The following DCP2 variants were observed in gnomAD, a reference collection of about 807,000 sequenced individuals.
DCP2 encodes the protein decapping mRNA 2.
In DCP2, 30 loss-of-function variants were observed where a neutral mutation model predicts 56.1. That is an observed-to-expected ratio of 0.53 (90% confidence interval 0.40 to 0.73). The LOEUF is 0.73. Among genes scored for constraint, DCP2 ranks in the 30% least tolerant of loss-of-function variants. The pLI, the probability that DCP2 is intolerant of heterozygous loss-of-function variation, is 0.00. For missense variants in DCP2, 533 were observed against 502.7 expected (o/e 1.06, Z -0.58); for synonymous variants, 197 against 163.3 (o/e 1.21, Z -1.57).
At chr5:112,982,097 T>C (rs193079036) in intron 1 of DCP2, among the ~76,000 whole-genome samples, 2 of 152,292 alleles carry the variant, frequency 1.3e-5, no homozygotes, top group East Asian at 1.9e-4. Flanking sequence ...ATCCATTTTT[T>C]TGAGGGGAGG....
chr5:112,994,718 T>C (rs1429094588), intron 4 of DCP2, among the ~76,000 whole-genome samples: 2 of 152,196 alleles, frequency 1.3e-5, no homozygotes, highest in African/African-American at 4.8e-5. Flanking sequence ...GGAAAGCAGA[T>C]TGGCCTAGGA....
At position 113,018,049 on chromosome 5, in the gene DCP2, TCAGAACACA is replaced by T. The variant is rs986567306; in HGVS notation, c.*4569_*4577del. 1 of 152,206 alleles carries T rather than the reference TCAGAACACA, an allele frequency of 6.6e-6. No homozygotes were observed. The allele number at this position is 152,206 out of a possible 1,614,324, so 9.4% of individuals were successfully genotyped here. A position where few individuals can be genotyped will look rare whatever the true frequency, so the allele number is the denominator to read the frequency against. On this transcript the variant is annotated 3_prime_UTR_variant, in exon 11 of 11. Transcript: ENST00000389063. ...CACTGCTTTCTTACAGGAAGACAAC[TCAGAACACA>T]CAGCCATAATCTGCTTTGGTGTCAG...
At chr5:113,011,975 A>G (rs1273255506) in intron 10 of DCP2, among the ~76,000 whole-genome samples, 1 of 152,190 alleles carries the variant, frequency 6.6e-6, no homozygotes, top group Non-Finnish European at 1.5e-5. Context: ...ATTTCTCCTC[A>G]TTAGAGTTAG....
intron 2 of DCP2, among the ~76,000 whole-genome samples, chr5:112,991,624 C>CTA (rs1748592070): frequency 1.3e-5 from 2 of 152,260 alleles, no homozygotes; most frequent in South Asian, 4.1e-4. Flanking sequence ...GAATTAAGCA[C>CTA]TTTATTCTTT....
At chr5:112,997,234 G>A (rs1365129022) in intron 4 of DCP2, among the ~76,000 whole-genome samples, 2 of 152,158 alleles carry the variant, frequency 1.3e-5, no homozygotes, top group African/African-American at 2.4e-5. Context: ...AGTCCATACC[G>A]TGGCCTCCTA....
Position 113,015,321 on chromosome 5 carries a change from A to C in DCP2, c.*1837A>C, listed in dbSNP as rs1481354097. 2.0e-5 allele frequency: 3 copies of C among 151,698 alleles called. No homozygotes were observed. The East Asian group carries it at 5.8e-4, about 29-fold the overall frequency. 9.4% of individuals were successfully genotyped at this position (151,698 alleles called of 1,614,324 possible). Reference sequence around the variant, plus strand: ...TTTCACTCATTTATTGTCTTCTGGAAACCATTTAACTTTTACTGTTTTTTA... The same window carrying C: ...TTTCACTCATTTATTGTCTTCTGGACACCATTTAACTTTTACTGTTTTTTA... On this transcript the variant is annotated 3_prime_UTR_variant, in exon 11 of 11. Coordinates refer to ENST00000389063, the MANE Select transcript of DCP2 (RefSeq NM_152624.6).
At chr5:112,997,506 G>C (rs1216513188) in intron 4 of DCP2, among the ~76,000 whole-genome samples, 1 of 152,078 alleles carries the variant, frequency 6.6e-6, no homozygotes, top group Non-Finnish European at 1.5e-5. Flanking sequence ...CTATTGGTCA[G>C]TTTATTCTGC....
chr5:112,997,573 C>T (rs1748919418), intron 4 of DCP2, among the ~76,000 whole-genome samples: 1 of 151,840 alleles, frequency 6.6e-6, no homozygotes, highest in South Asian at 2.1e-4. Context: ...TGTCTTTGTA[C>T]ACTGCTGCTC....
At chr5:112,983,073 G>A (rs1748085440) in intron 1 of DCP2, among the ~76,000 whole-genome samples, 1 of 152,202 alleles carries the variant, frequency 6.6e-6, no homozygotes, top group Admixed American at 6.5e-5. Flanking sequence ...GGATTTCACA[G>A]GTCTTAAATG....
rs1749959001 is a variant in DCP2, at chr5:113,017,936, A to G, written c.*4452A>G. 6.6e-6 allele frequency: 1 copy of G among 152,196 alleles called. No homozygotes were observed. The highest frequency in any genetic ancestry group is 6.5e-5 in the Admixed American group (1 of 15,272). The allele number at this position is 152,196 out of a possible 1,614,324, so 9.4% of individuals were successfully genotyped here. A position where few individuals can be genotyped will look rare whatever the true frequency, so the allele number is the denominator to read the frequency against. ...GATTGCCAAGCAATCCAGTGAATCT[A>G]AAGTAATTTTTCTCACTTTAAAGAC... On this transcript the variant is annotated 3_prime_UTR_variant, in exon 11 of 11. Coordinates refer to ENST00000389063, the MANE Select transcript of DCP2 (RefSeq NM_152624.6).
chr5:112,980,850 T>C (rs1412454055), intron 1 of DCP2, among the ~76,000 whole-genome samples: 1 of 152,140 alleles, frequency 6.6e-6, no homozygotes, highest in African/African-American at 2.4e-5. Flanking sequence ...TATTTTAAAA[T>C]ATACTTGTGC....
chr5:113,021,379 A>C lies in DCP2; in HGVS notation c.*7895A>C, dbSNP rs1292483435. Among the ~76,000 whole-genome samples, 8 of 133,922 alleles carry C rather than the reference A, an allele frequency of 6.0e-5. No homozygotes were observed. The highest frequency in any genetic ancestry group is 1.1e-4 in the Non-Finnish European group (7 of 63,884). 87.9% of individuals were successfully genotyped at this position (133,922 alleles called of 152,430 possible). A position where few individuals can be genotyped will look rare whatever the true frequency, so the allele number is the denominator to read the frequency against. Reference sequence around the variant, plus strand: ...CAAGACTCTGTCTGGAAAAAACAAAAAACAACCAAAAAAAAAAAAAAAAAA... The same window carrying C: ...CAAGACTCTGTCTGGAAAAAACAAACAACAACCAAAAAAAAAAAAAAAAAA... On this transcript the variant is annotated 3_prime_UTR_variant, in exon 11 of 11. Coordinates refer to ENST00000389063, the MANE Select transcript of DCP2 (RefSeq NM_152624.6).
chr5:112,988,285 A>T (rs1580801602), intron 2 of DCP2, among the ~76,000 whole-genome samples: 1 of 150,964 alleles, frequency 6.6e-6, no homozygotes, highest in Non-Finnish European at 1.5e-5. Context: ...GATCGAGACC[A>T]TCCTGGCCAA....
chr5:112,988,446 C>T (rs977170332), intron 2 of DCP2, among the ~76,000 whole-genome samples: 2 of 146,196 alleles, frequency 1.4e-5, no homozygotes, highest in African/African-American at 5.1e-5. Context: ...GAGCCGAGTT[C>T]GCGCCACTGC....
rs1230185516 is a variant in DCP2 at position 113,018,468 on chromosome 5, AC to A, written c.*4985del. Reference sequence around the variant, plus strand: ...AGGAATGAGCTTTCACAAGGTGCTTACGTTAGCTGGGTAGTATTGGTCAAAG... The same window carrying A: ...AGGAATGAGCTTTCACAAGGTGCTTAGTTAGCTGGGTAGTATTGGTCAAAG... On this transcript the variant is annotated 3_prime_UTR_variant, in exon 11 of 11. Transcript: ENST00000389063. 6.6e-6 allele frequency: 1 copy of A among 152,230 alleles called. No individual in the cohort carries two copies. Among genetic ancestry groups the A allele is most frequent in the African/African-American group, 2.4e-5 (1 of 41,452 alleles). 9.4% of individuals were successfully genotyped at this position (152,230 alleles called of 1,614,324 possible). A position where few individuals can be genotyped will look rare whatever the true frequency, so the allele number is the denominator to read the frequency against.
chr5:112,977,665 A>G (rs1421911506), intron 1 of DCP2, among the ~76,000 whole-genome samples: 2 of 152,292 alleles, frequency 1.3e-5, no homozygotes, highest in Non-Finnish European at 2.9e-5. Flanking sequence ...CTCAGGGTGT[A>G]TACTTCAGAT....
chr5:113,008,075 G>T, intron 9 of DCP2, 33 bp downstream of exon 9: 12 of 1,561,924 alleles, frequency 7.7e-6, no homozygotes, highest in Non-Finnish European at 1.1e-5. Flanking sequence ...TAAGTAGGCA[G>T]TTCATCCTCT....
Position 113,020,911 on chromosome 5 carries a change from A to G in DCP2, c.*7427A>G, listed in dbSNP as rs1750090363. On this transcript the variant is annotated 3_prime_UTR_variant, in exon 11 of 11. Coordinates refer to ENST00000389063, the MANE Select transcript of DCP2 (RefSeq NM_152624.6). ...TTCTGTAAAAACATCATTGTGTTAG[A>G]TTGTTTGTAATGTACTATCAATAAA... is the stretch of plus-strand genomic sequence containing the variant. 6.6e-6 allele frequency: 1 copy of G among 152,180 alleles called. No individual in the cohort carries two copies. The allele number at this position is 152,180 out of a possible 1,614,324, so 9.4% of individuals were successfully genotyped here.
chr5:112,989,375 T>C (rs1748466361), intron 2 of DCP2, among the ~76,000 whole-genome samples: 1 of 152,096 alleles, frequency 6.6e-6, no homozygotes, highest in Non-Finnish European at 1.5e-5. Flanking sequence ...GTAAGTCGTT[T>C]ACTTGGCACA....
Sources: gnomAD v4.1 joint callset for allele counts (sites outside exome capture counted in the v4.1 genomes callset) on GRCh38, gnomAD v4.1.1 for gene constraint, MANE v1.5 for transcripts, NCBI Gene and HGNC (gene_info 2026-07-23, HGNC 2026-07-21) for gene names.